The following PDXDC1 variants were observed in gnomAD, a reference collection of about 807,000 sequenced individuals.
PDXDC1 encodes pyridoxal dependent decarboxylase domain containing 1.
Under a neutral mutation model 100.1 loss-of-function variants are expected in PDXDC1, and 42 were observed. The ratio of observed to expected loss-of-function variants is 0.42; its 90% CI spans 0.33 to 0.54. PDXDC1 has a LOEUF of 0.54. Ranked by LOEUF, PDXDC1 falls within the 20% of genes least tolerant of loss-of-function variation. The pLI, the probability that PDXDC1 is intolerant of heterozygous loss-of-function variation, is 0.10. For synonymous variants in PDXDC1, 260 were observed against 371.7 expected (o/e 0.70, Z 3.46); for missense variants, 636 against 979.2 (o/e 0.65, Z 4.68).
At chr16:15,088,689 T>A (rs933183985) in intron 16 of PDXDC1, among the ~76,000 whole-genome samples, 2 of 152,052 alleles carry the variant, frequency 1.3e-5, no homozygotes, top group African/African-American at 4.8e-5. Context: ...TTTCTGGAAG[T>A]TCTGCTTCTT....
intron 1 of PDXDC1, among the ~76,000 whole-genome samples, chr16:14,987,428 T>C (rs1969627598): frequency 6.6e-6 from 1 of 152,268 alleles, no homozygotes; most frequent in African/African-American, 2.4e-5. Context: ...AAGTAATGTG[T>C]GTAGAGGCGT....
At chr16:15,137,971 C>G in intron 16 of PDXDC1, 1 of 684,568 alleles carries the variant, frequency 1.5e-6, no homozygotes, top group East Asian at 2.8e-5. Context: ...TGGGAAGGGT[C>G]TATGCCAGCC....
downstream of PDXDC1, among the ~76,000 whole-genome samples, chr16:15,140,095 CAAAAAAAAAAA>C (rs372891971): frequency 9.1e-5 from 4 of 43,844 alleles, no homozygotes; most frequent in East Asian, 1.6e-3. Flanking sequence ...GACTCCATCT[CAAAAAAAAAAA>C]AAAAAAAAAA....
intron 16 of PDXDC1, chr16:15,092,571 G>C (rs770804997): frequency 1.2e-6 from 2 of 1,613,496 alleles, no homozygotes; most frequent in South Asian, 1.1e-5. Context: ...TTTCTTGGGG[G>C]AGAATTGAAA....
downstream of PDXDC1, among the ~76,000 whole-genome samples, chr16:15,143,120 G>A (rs1195106492): frequency 3.3e-5 from 5 of 152,144 alleles, no homozygotes; most frequent in Admixed American, 6.5e-5. Flanking sequence ...CCCCAGCCCC[G>A]GGACACAAGG....
chr16:15,033,395 C>T lies in PDXDC1; in HGVS notation c.1808C>T (p.Ser603Leu), dbSNP rs573475420. ...AATAREIEEN[S>L]RLLENMTEVV... ...ACAGCCCGGGAGATAGAGGAGAACT[C>T]GAGGGTCCGTAGCACCCATCAGTGT... The change falls in exon 19 of 23, where the codon TCG (serine) becomes TTG (leucine). Residue 603 changes from serine to leucine, a missense_variant. This residue lies in a region of PDXDC1 where 452 missense variants were observed against 402.9 expected (regional missense o/e 1.12). Coordinates refer to ENST00000396410, the MANE Select transcript of PDXDC1 (RefSeq NM_015027.4). 4.8e-5 allele frequency: 78 copies of T among 1,614,006 alleles called. No individual in the cohort carries two copies. Among genetic ancestry groups the T allele is most frequent in the South Asian group, 3.5e-4 (32 of 91,088 alleles).
intron 16 of PDXDC1, chr16:15,128,175 C>A: frequency 6.2e-7 from 1 of 1,610,628 alleles, no homozygotes; most frequent in Non-Finnish European, 8.5e-7. Context: ...CGCAGGGCGC[C>A]CCAACGCGGG....
intron 16 of PDXDC1, among the ~76,000 whole-genome samples, chr16:15,095,601 C>G (rs1055099757): frequency 1.3e-5 from 2 of 152,134 alleles, no homozygotes; most frequent in African/African-American, 4.8e-5. Flanking sequence ...CCTGTTATCC[C>G]AACACTTTGG....
At chr16:15,052,295 A>AT in intron 16 of PDXDC1, among the ~76,000 whole-genome samples, 1 of 152,274 alleles carries the variant, frequency 6.6e-6, no homozygotes, top group South Asian at 2.1e-4. Flanking sequence ...ATGTTACAAA[A>AT]TATTATTTTG....
In PDXDC1 at chr16:15,131,540, C is replaced by T. The variant is rs1347352848; in HGVS notation, c.1400-7339C>T. ...CCCTGGGCCACGATCTCCTCGCCCG[C>T]CAGTGTCAGGGGCTCCTCGTTGAGC... On this transcript the variant is annotated intron_variant, in intron 16 of 16. Coordinates refer to the PDXDC1 transcript ENST00000535621. The T allele has an allele frequency of 4.3e-6, 7 of 1,609,538 alleles. No individual in the cohort carries two copies. In the African/African-American group the frequency reaches 5.4e-5, roughly 12 times the overall value.
intron 16 of PDXDC1, chr16:15,073,188 A>ACTGTGCTTGGCTGGAT: frequency 7.8e-7 from 1 of 1,281,572 alleles, no homozygotes; most frequent in Non-Finnish European, 1.1e-6. Context: ...TTATCCAGCC[A>ACTGTGCTTGGCTGGAT]AGCACAGTGG....
At chr16:15,092,298 C>G (rs539225958) in intron 16 of PDXDC1, among the ~76,000 whole-genome samples, 9 of 152,100 alleles carry the variant, frequency 5.9e-5, no homozygotes, top group Non-Finnish European at 1.3e-4. Context: ...CATTATTACT[C>G]TCTCATTATT....
At chr16:15,016,044 G>T (rs2041769711) in intron 8 of PDXDC1, 85 bp from the exon 9 acceptor site, 1 of 1,566,852 alleles carries the variant, frequency 6.4e-7, no homozygotes, top group African/African-American at 1.4e-5. Flanking sequence ...TCCCTCCTAG[G>T]GCGATAATGT....
chr16:15,067,273 C>T (rs1484253555), intron 16 of PDXDC1, among the ~76,000 whole-genome samples: 1 of 150,766 alleles, frequency 6.6e-6, no homozygotes, highest in Admixed American at 6.7e-5. Flanking sequence ...TTCAATTCTC[C>T]AATTCGCTTT....
chr16:14,987,267 A>G (rs1043837289), intron 1 of PDXDC1, among the ~76,000 whole-genome samples: 3 of 152,296 alleles, frequency 2.0e-5, no homozygotes, highest in Non-Finnish European at 1.5e-5. Flanking sequence ...ATTTTTGAGT[A>G]CAAGCTTTTT....
intron 16 of PDXDC1, among the ~76,000 whole-genome samples, chr16:15,046,407 G>C (rs1213120729): frequency 6.6e-6 from 1 of 152,154 alleles, no homozygotes; most frequent in Non-Finnish European, 1.5e-5. Flanking sequence ...TGTGAACAGT[G>C]GTCTTGACAG....
downstream of PDXDC1, among the ~76,000 whole-genome samples, chr16:15,141,970 C>T (rs1355441614): frequency 6.6e-6 from 1 of 152,154 alleles, no homozygotes; most frequent in Non-Finnish European, 1.5e-5. Context: ...ACCTGAGGCG[C>T]AGCAGCCCTA....
At chr16:15,124,400 A>G (rs890720528) in intron 16 of PDXDC1, among the ~76,000 whole-genome samples, 3 of 152,188 alleles carry the variant, frequency 2.0e-5, no homozygotes, top group East Asian at 1.9e-4. Context: ...GTAAACAGGA[A>G]ATATTCTATT....
At chr16:15,055,925 G>A in intron 16 of PDXDC1, 14 of 1,232,434 alleles carry the variant, frequency 1.1e-5, no homozygotes, top group Non-Finnish European at 1.3e-5. Context: ...GAGGTCCCCG[G>A]CTGACTGCGG....
Sources: gnomAD v4.1 joint callset for allele counts (sites outside exome capture counted in the v4.1 genomes callset) on GRCh38, gnomAD v4.1.1 for gene constraint, gnomAD v4.1.1 regional missense constraint, MANE v1.5 for transcripts, NCBI Gene and HGNC (gene_info 2026-07-23, HGNC 2026-07-21) for gene names.